The following OXR1 variants were observed in gnomAD, a reference collection of about 807,000 sequenced individuals.
OXR1 encodes oxidation resistance protein 1.
A neutral mutation model predicts 104.6 loss-of-function variants in OXR1; 41 were observed. The ratio of observed to expected loss-of-function variants is 0.39; its 90% confidence interval spans 0.31 to 0.51. The LOEUF (loss-of-function observed/expected upper bound fraction) is 0.51, where lower values mean the gene tolerates loss of function less well. OXR1 is among the 20% of genes least tolerant of loss of function. The probability of loss-of-function intolerance (pLI) is 0.77; values close to 1 mark genes in which losing one functional copy is unlikely to be tolerated. For missense variants in OXR1, 955 were observed against 1,031.9 expected, an observed-to-expected ratio of 0.93 and a Z score of 1.02; for synonymous variants, 348 against 348.4, an observed-to-expected ratio of 1.00 and a Z score of 0.01.
chr8:106,734,168 G>C (rs556306785), intron 11 of OXR1, among the ~76,000 whole-genome samples: 1 of 151,716 alleles, frequency 6.6e-6, no homozygotes, highest in Non-Finnish European at 1.5e-5. Context: ...ATGTTGCCCC[G>C]GCTGTTCTCA....
At chr8:106,588,038 G>A (rs563967106) in intron 3 of OXR1, among the ~76,000 whole-genome samples, 1 of 151,258 alleles carries the variant, frequency 6.6e-6, no homozygotes, top group African/African-American at 2.4e-5. Flanking sequence ...TGCAAGCTCC[G>A]CCTGTGGGGT....
intron 3 of OXR1, among the ~76,000 whole-genome samples, chr8:106,634,673 A>G (rs1822985507): frequency 6.6e-6 from 1 of 152,234 alleles, no homozygotes; most frequent in Non-Finnish European, 1.5e-5. Context: ...TTCCCAAAAA[A>G]GATGAGCTTG....
At chr8:106,526,519 G>GT (rs1813673251) in intron 3 of OXR1, among the ~76,000 whole-genome samples, 1 of 152,176 alleles carries the variant, frequency 6.6e-6, no homozygotes, top group African/African-American at 2.4e-5. Context: ...AATGTAACAA[G>GT]TATTAGTATA....
intron 3 of OXR1, among the ~76,000 whole-genome samples, chr8:106,531,435 G>T (rs1399208435): frequency 6.6e-6 from 1 of 152,090 alleles, no homozygotes; most frequent in African/African-American, 2.4e-5. Flanking sequence ...GCTAGGATTT[G>T]TACTCAAAGA....
chr8:106,412,816 G>A (rs1011453662), intron 2 of OXR1, among the ~76,000 whole-genome samples: 3 of 151,930 alleles, frequency 2.0e-5, no homozygotes. Flanking sequence ...TATAGAATCA[G>A]AAAAATTATT....
intron 3 of OXR1, among the ~76,000 whole-genome samples, chr8:106,541,201 T>C (rs1206793284): frequency 2.0e-5 from 3 of 152,190 alleles, no homozygotes; most frequent in African/African-American, 7.2e-5. Context: ...TACCCACAAG[T>C]AACAGTTTAT....
chr8:106,338,492 G>C (rs948033545), intron 1 of OXR1, among the ~76,000 whole-genome samples: 3 of 151,414 alleles, frequency 2.0e-5, no homozygotes, highest in Non-Finnish European at 2.9e-5. Flanking sequence ...CAACCTGGGA[G>C]GTGGAGGTTG....
At chr8:106,699,447 C>T (rs148710945) in intron 7 of OXR1, among the ~76,000 whole-genome samples, 6 of 152,172 alleles carry the variant, frequency 3.9e-5, no homozygotes, top group Non-Finnish European at 5.9e-5. Flanking sequence ...CAGTATGCTT[C>T]GGTAATCAAA....
intron 3 of OXR1, among the ~76,000 whole-genome samples, chr8:106,655,865 G>GA (rs1295536402): frequency 4.0e-5 from 6 of 151,746 alleles, no homozygotes; most frequent in African/African-American, 7.3e-5. Flanking sequence ...AATAGAAGCA[G>GA]AAAAAAAACC....
chr8:106,552,868 A>ACATGT (rs1341849038), intron 3 of OXR1, among the ~76,000 whole-genome samples: 1 of 152,188 alleles, frequency 6.6e-6, no homozygotes, highest in East Asian at 1.9e-4. Flanking sequence ...ACTTAAATCC[A>ACATGT]CATGTTTTCT....
intron 2 of OXR1, chr8:106,447,968 C>G (rs1360972689): frequency 6.5e-7 from 1 of 1,535,158 alleles, no homozygotes; most frequent in African/African-American, 1.4e-5. Context: ...GAACTCTGAT[C>G]AGATCCGCCC....
chr8:106,469,389 A>C (rs971508324), intron 2 of OXR1, among the ~76,000 whole-genome samples: 2 of 151,826 alleles, frequency 1.3e-5, no homozygotes, highest in Admixed American at 1.3e-4. Context: ...CCATATGTCT[A>C]CTTCTGATCC....
At chr8:106,547,494 T>TTC (rs1491032594) in intron 3 of OXR1, among the ~76,000 whole-genome samples, 16 of 34,594 alleles carry the variant, frequency 4.6e-4, no homozygotes, top group African/African-American at 8.5e-4. Flanking sequence ...CTTTCTTTCT[T>TTC]TTTTTTTTTT....
chr8:106,674,373 A>G (rs1285173293), intron 3 of OXR1, among the ~76,000 whole-genome samples: 1 of 152,168 alleles, frequency 6.6e-6, no homozygotes, highest in Non-Finnish European at 1.5e-5. Context: ...CCTAATTTCT[A>G]CCATTTGGAA....
chr8:106,459,573 A>G (rs907706622), intron 2 of OXR1, among the ~76,000 whole-genome samples: 4 of 152,186 alleles, frequency 2.6e-5, no homozygotes, highest in Non-Finnish European at 4.4e-5. Context: ...CTAACTATCT[A>G]GCTTCTAGCA....
At chr8:106,433,650 T>C (rs971245409) in intron 2 of OXR1, among the ~76,000 whole-genome samples, 5 of 152,234 alleles carry the variant, frequency 3.3e-5, no homozygotes, top group African/African-American at 1.2e-4. Flanking sequence ...TTAGGTCTGA[T>C]TTCTTTCACT....
At chr8:106,486,101 G>A (rs1408354469) in intron 2 of OXR1, among the ~76,000 whole-genome samples, 1 of 151,904 alleles carries the variant, frequency 6.6e-6, no homozygotes, top group Non-Finnish European at 1.5e-5. Flanking sequence ...TGCTAAGAGA[G>A]TAGATTATAT....
chr8:106,576,577 T>C (rs897932255), intron 3 of OXR1, among the ~76,000 whole-genome samples: 2 of 151,874 alleles, frequency 1.3e-5, no homozygotes, highest in African/African-American at 4.8e-5. Context: ...AAAATAAATG[T>C]ACAGTCTATG....
intron 2 of OXR1, among the ~76,000 whole-genome samples, chr8:106,469,719 A>G (rs1272479148): frequency 5.3e-5 from 8 of 151,866 alleles, no homozygotes; most frequent in Non-Finnish European, 7.4e-5. Context: ...TCCCACATGT[A>G]GAAAGGTTAA....
Sources: gnomAD v4.1 joint callset for allele counts (sites outside exome capture counted in the v4.1 genomes callset) on GRCh38, gnomAD v4.1.1 for gene constraint, MANE v1.5 for transcripts, NCBI Gene and HGNC (gene_info 2026-07-23, HGNC 2026-07-21) for gene names.